FRMD4B: variants seen among roughly 807,000 people sequenced by gnomAD.
FRMD4B encodes FERM domain-containing protein 4B.
A neutral mutation model predicts 141.5 loss-of-function variants in FRMD4B; 74 were observed. The observed-to-expected ratio is 0.52, with a 90% confidence interval of 0.43 to 0.63. The LOEUF (loss-of-function observed/expected upper bound fraction) is 0.63. Ranked by LOEUF, FRMD4B falls within the 30% of genes least tolerant of loss-of-function variation. The pLI, the probability that FRMD4B is intolerant of heterozygous loss-of-function variation, is 0.00. For synonymous variants in FRMD4B, 506 were observed against 467.9 expected, an observed-to-expected ratio of 1.08 and a Z score of -1.05; for missense variants, 1,366 against 1,253.4, an observed-to-expected ratio of 1.09 and a Z score of -1.36.
intron 1 of FRMD4B, among the ~76,000 whole-genome samples, chr3:69,492,500 CTGTT>C (rs1235652914): frequency 2.0e-5 from 3 of 152,166 alleles, no homozygotes; most frequent in South Asian, 2.1e-4. Flanking sequence ...TCATTACAGA[CTGTT>C]TGTAAATCCT....
At chr3:69,442,282 A>G (rs1373354284) in intron 1 of FRMD4B, among the ~76,000 whole-genome samples, 2 of 152,028 alleles carry the variant, frequency 1.3e-5, no homozygotes, top group Non-Finnish European at 2.9e-5. Context: ...GGATCTCACT[A>G]TATTGTCCAG....
intron 9 of FRMD4B, among the ~76,000 whole-genome samples, chr3:69,219,118 T>C (rs9836612): frequency 0.82 from 122,768 of 149,684 alleles, 51,667 homozygotes; most frequent in East Asian, 0.99. Context: ...TGAGCCGAGA[T>C]TGCACTATTG....
chr3:69,241,722 A>AC lies in FRMD4B; in HGVS notation c.581+7503dup, dbSNP rs201512499. ...AGACCAGTCTGGCCAACAAGGTAAAACCCCGTCTCTACTAAAAATTAAAAA... is the reference window on the plus strand; with the variant it reads ...AGACCAGTCTGGCCAACAAGGTAAAACCCCCGTCTCTACTAAAAATTAAAAA... On this transcript the variant is annotated intron_variant, in intron 7 of 22. Coordinates refer to ENST00000398540, the MANE Select transcript of FRMD4B (RefSeq NM_015123.3). Among the ~76,000 whole-genome samples, 758 of 152,034 alleles carry AC rather than the reference A, an allele frequency of 5.0e-3. 9 individuals carry two copies. The highest frequency in any genetic ancestry group is 0.017 in the African/African-American group (707 of 41,476).
intron 1 of FRMD4B, among the ~76,000 whole-genome samples, chr3:69,452,428 T>C (rs1705517245): frequency 6.6e-6 from 1 of 152,212 alleles, no homozygotes; most frequent in Non-Finnish European, 1.5e-5. Context: ...GAGCAAGTCA[T>C]TTAGACTTTC....
intron 1 of FRMD4B, among the ~76,000 whole-genome samples, chr3:69,534,172 A>G (rs1217295349): frequency 6.6e-6 from 1 of 152,172 alleles, no homozygotes; most frequent in Admixed American, 6.5e-5. Flanking sequence ...AGTCATTCAC[A>G]TCTTCCCTTC....
intron 3 of FRMD4B, among the ~76,000 whole-genome samples, chr3:69,303,766 C>G (rs1701296289): frequency 6.6e-6 from 1 of 151,646 alleles, no homozygotes; most frequent in African/African-American, 2.4e-5. Context: ...CCGATTTCTA[C>G]AAAGAATACA....
chr3:69,195,467 T>G, intron 14 of FRMD4B, 103 bp from the exon 15 acceptor site: 1 of 861,908 alleles, frequency 1.2e-6, no homozygotes, highest in Middle Eastern at 2.4e-4. Flanking sequence ...AAATGGTAGT[T>G]TATTTCTTTT....
chr3:69,485,572 C>T (rs1706201837), intron 1 of FRMD4B, among the ~76,000 whole-genome samples: 1 of 152,232 alleles, frequency 6.6e-6, no homozygotes, highest in Non-Finnish European at 1.5e-5. Flanking sequence ...GCTCCCACCC[C>T]ACCAACTTGG....
intron 1 of FRMD4B, chr3:69,471,876 T>C (rs1559537615): frequency 6.4e-6 from 1 of 155,176 alleles, no homozygotes; most frequent in Non-Finnish European, 1.5e-5. Flanking sequence ...ATTTCTCCAC[T>C]TCTAGTAGTC....
intron 1 of FRMD4B, among the ~76,000 whole-genome samples, chr3:69,325,765 T>G (rs553715656): frequency 6.6e-6 from 1 of 152,278 alleles, no homozygotes; most frequent in Non-Finnish European, 1.5e-5. Context: ...AATACACCAT[T>G]TATTGAGTAT....
intron 1 of FRMD4B, chr3:69,333,956 C>A (rs755935442): frequency 6.6e-6 from 1 of 152,124 alleles, no homozygotes; most frequent in Non-Finnish European, 1.5e-5. Context: ...TTTAAAGCAA[C>A]CTTCCCACTT....
chr3:69,445,142 A>T (rs1177843188), intron 1 of FRMD4B, among the ~76,000 whole-genome samples: 2 of 152,180 alleles, frequency 1.3e-5, no homozygotes, highest in Non-Finnish European at 2.9e-5. Context: ...GCAGCCAGAA[A>T]GGGTTTGGAG....
chr3:69,445,118 C>T (rs1197558764), intron 1 of FRMD4B, among the ~76,000 whole-genome samples: 3 of 152,146 alleles, frequency 2.0e-5, no homozygotes, highest in East Asian at 1.9e-4. Flanking sequence ...GTGACATACC[C>T]GCCAGAAACG....
intron 1 of FRMD4B, among the ~76,000 whole-genome samples, chr3:69,344,653 C>T (rs1196962539): frequency 6.6e-6 from 1 of 152,198 alleles, no homozygotes; most frequent in East Asian, 1.9e-4. Context: ...TTTTCAGCCA[C>T]ACCATACTGT....
At chr3:69,332,516 C>T (rs1451531268) in intron 1 of FRMD4B, among the ~76,000 whole-genome samples, 1 of 152,094 alleles carries the variant, frequency 6.6e-6, no homozygotes, top group Non-Finnish European at 1.5e-5. Flanking sequence ...GGGACTTCTT[C>T]CTCCCTTGTG....
intron 1 of FRMD4B, among the ~76,000 whole-genome samples, chr3:69,362,090 G>C (rs1703486585): frequency 6.6e-6 from 1 of 152,170 alleles, no homozygotes; most frequent in Non-Finnish European, 1.5e-5. Flanking sequence ...CTTTTTGTTT[G>C]CACAGGTATA....
chr3:69,296,891 A>C (rs1701051527), intron 4 of FRMD4B, among the ~76,000 whole-genome samples: 1 of 152,228 alleles, frequency 6.6e-6, no homozygotes, highest in East Asian at 1.9e-4. Context: ...AAAAAAGAAG[A>C]AAATGAAAAT....
chr3:69,534,364 AAAAT>A (rs770886137), intron 1 of FRMD4B, among the ~76,000 whole-genome samples: 38 of 152,234 alleles, frequency 2.5e-4, no homozygotes, highest in Non-Finnish European at 5.0e-4. Flanking sequence ...GGTACACATT[AAAAT>A]AAATAGTCAA....
chr3:69,239,905 T>A (rs1277465267), intron 7 of FRMD4B, among the ~76,000 whole-genome samples: 1 of 151,914 alleles, frequency 6.6e-6, no homozygotes, highest in African/African-American at 2.4e-5. Flanking sequence ...TACAAAAAAT[T>A]AGCCAGGTGT....
Sources: gnomAD v4.1 joint callset for allele counts (sites outside exome capture counted in the v4.1 genomes callset) on GRCh38, gnomAD v4.1.1 for gene constraint, MANE v1.5 for transcripts, NCBI Gene and HGNC (gene_info 2026-07-23, HGNC 2026-07-21) for gene names.